PRMT1: variants seen among roughly 807,000 people sequenced by gnomAD.
PRMT1 encodes protein arginine methyltransferase 1.
In PRMT1, 5 loss-of-function variants were observed where a neutral mutation model predicts 47.4. The observed-to-expected ratio is 0.11, with a 90% CI of 0.06 to 0.22. The LOEUF (loss-of-function observed/expected upper bound fraction) is 0.22. Ranked by LOEUF, PRMT1 falls within the 10% of genes least tolerant of loss-of-function variation. The probability of loss-of-function intolerance (pLI) is 1.00; values close to 1 mark genes in which losing one functional copy is unlikely to be tolerated. For synonymous variants in PRMT1, 227 were observed against 204.6 expected, an observed-to-expected ratio of 1.11 and a Z score of -0.94; for missense variants, 249 against 518.4, an observed-to-expected ratio of 0.48 and a Z score of 5.05.
At position 49,684,180 on chromosome 19, in the gene PRMT1, C is replaced by CA. The variant is rs2082169060; in HGVS notation, c.555+113dup. On this transcript the variant is annotated intron_variant, in intron 6 of 10. Transcript: ENST00000454376. The surrounding 1 kb of genome is among the most constrained non-coding windows in gnomAD (Gnocchi z 6.2). ...GGGACTTACTGTGGGGGCTTAGCTG[C>CA]AAGGTGTTAGAAAGCCACAGCCCAA... 2.8e-6 allele frequency: 4 copies of CA among 1,452,514 alleles called. No individual in the cohort carries two copies. The highest frequency in any genetic ancestry group is 2.4e-4 in the Middle Eastern group (1 of 4,120). The allele number at this position is 1,452,514 out of a possible 1,614,324, so 90.0% of individuals were successfully genotyped here.
Position 49,680,929 on chromosome 19 carries a change from T to C in PRMT1, c.192+341T>C, listed in dbSNP as rs2082109561. Among the ~76,000 whole-genome samples the C allele has an allele frequency of 6.6e-6, 1 of 152,370 alleles. No individual in the cohort carries two copies. Among genetic ancestry groups the C allele is most frequent in the South Asian group, 2.1e-4 (1 of 4,834 alleles). Reference sequence around the variant, plus strand: ...CGGCTGCTCCCGCCCTAACAGCTTCTGCACACTTCAGATCTGACTGAAGAC... The same window carrying C: ...CGGCTGCTCCCGCCCTAACAGCTTCCGCACACTTCAGATCTGACTGAAGAC... On this transcript the variant is annotated intron_variant, in intron 3 of 10. Transcript: ENST00000454376. The surrounding 1 kb of genome is among the most constrained non-coding windows in gnomAD (Gnocchi z 4.2).
At position 49,681,607 on chromosome 19, in the gene PRMT1, G is replaced by C. The variant is rs540863918; in HGVS notation, c.193-303G>C. 4.6e-5 allele frequency among the ~76,000 whole-genome samples: 7 copies of C among 152,188 alleles called. No individual in the cohort carries two copies. In the South Asian group the frequency reaches 1.5e-3, roughly 32 times the overall value. On this transcript the variant is annotated intron_variant, in intron 3 of 10. Transcript: ENST00000454376. The surrounding 1 kb of genome is among the most constrained non-coding windows in gnomAD (Gnocchi z 4.4). Reference sequence around the variant, plus strand: ...ACAAAAATTAGCCGGGCATGGTGGTGTGCACCTATAATCTCAGCTACTTGG... The same window carrying C: ...ACAAAAATTAGCCGGGCATGGTGGTCTGCACCTATAATCTCAGCTACTTGG...
At chr19:49,682,296 G>A in intron 5 of PRMT1, 37 bp downstream of exon 5, 1 of 1,602,198 alleles carries the variant, frequency 6.2e-7, no homozygotes, top group Non-Finnish European at 8.5e-7. Context: ...TGGGAGTGGA[G>A]GGGGTGATGC....
intron 1 of PRMT1, 62 bp downstream of exon 1, chr19:49,677,378 G>A: frequency 7.5e-7 from 1 of 1,331,970 alleles, no homozygotes; most frequent in African/African-American, 1.5e-5. Flanking sequence ...TCACGCCTCT[G>A]TGGTGGGGAA....
chr19:49,678,440 G>C (rs1318405496), intron 1 of PRMT1, among the ~76,000 whole-genome samples: 1 of 152,092 alleles, frequency 6.6e-6, no homozygotes, highest in Non-Finnish European at 1.5e-5. Context: ...GTTGTCTGGC[G>C]GTAGTTTTCA....
At position 49,688,133 on chromosome 19, in the gene PRMT1, C is replaced by G. The variant is rs1203438387; in HGVS notation, c.1033-29C>G. The G allele has an allele frequency of 6.2e-7, 1 of 1,601,974 alleles. No individual in the cohort carries two copies. Among genetic ancestry groups the G allele is most frequent in the African/African-American group, 1.4e-5 (1 of 73,236 alleles). On this transcript the variant is annotated intron_variant, in intron 10 of 10. Coordinates refer to ENST00000454376, the MANE Select transcript of PRMT1 (RefSeq NM_001536.6). The surrounding 1 kb of genome is among the most constrained non-coding windows in gnomAD (Gnocchi z 5.3). ...CCCCGCCACCACCTCCTGGTGGGTTCCGCCCTCATGCCCCACCTCTCCCTG... is the reference window on the plus strand; with the variant it reads ...CCCCGCCACCACCTCCTGGTGGGTTGCGCCCTCATGCCCCACCTCTCCCTG...
In PRMT1 at chr19:49,685,433, C is replaced by A; in HGVS notation, c.759+396C>A. On this transcript the variant is annotated intron_variant, in intron 8 of 10. Coordinates refer to ENST00000454376, the MANE Select transcript of PRMT1 (RefSeq NM_001536.6). This position sits in a 1 kb window ranked among gnomAD's most constrained non-coding sequence, Gnocchi z 4.7. The stretch of plus-strand genomic sequence containing the variant: ...AGCTACTCGGGAGGATCACTTGGGC[C>A]TGGGAGTTCAAGGCTGCAGTGAGCT... 8.5e-7 allele frequency: 1 copy of A among 1,183,220 alleles called. No homozygotes were observed. Among genetic ancestry groups the A allele is most frequent in the Non-Finnish European group, 1.1e-6 (1 of 944,390 alleles). The allele number at this position is 1,183,220 out of a possible 1,614,324, so 73.3% of individuals were successfully genotyped here.
chr19:49,676,362 T>C (rs1403656063), upstream of PRMT1: 1 of 152,180 alleles, frequency 6.6e-6, no homozygotes, highest in Non-Finnish European at 1.5e-5. Flanking sequence ...TTTCTGCAAA[T>C]CAAGGAAAGC....
In PRMT1 at chr19:49,685,569, G is replaced by C. The variant is rs1174701442; in HGVS notation, c.760-524G>C. ...TTAAAAAAAAAAAATACGGCGATGA[G>C]TATTTGTTGAGCTGGGATGTGTGAG... On this transcript the variant is annotated intron_variant, in intron 8 of 10. Coordinates refer to ENST00000454376, the MANE Select transcript of PRMT1 (RefSeq NM_001536.6). The surrounding 1 kb of genome is among the most constrained non-coding windows in gnomAD (Gnocchi z 4.7). The C allele has an allele frequency of 9.8e-7, 1 of 1,024,778 alleles. No homozygotes were observed. Among genetic ancestry groups the C allele is most frequent in the Non-Finnish European group, 1.2e-6 (1 of 853,480 alleles). The allele number at this position is 1,024,778 out of a possible 1,614,324, so 63.5% of individuals were successfully genotyped here. A position where few individuals can be genotyped will look rare whatever the true frequency, so the allele number is the denominator to read the frequency against.
At position 49,679,904 on chromosome 19, in the gene PRMT1, C is replaced by T. The variant is rs751786410; in HGVS notation, c.69C>T (p.Ser23=). 6 of 1,612,756 alleles carry T rather than the reference C, an allele frequency of 3.7e-6. No individual in the cohort carries two copies. The Admixed American group carries it at 8.3e-5, about 22-fold the overall frequency. Residue 23 remains serine, a synonymous_variant, in exon 2 of 11, where the codon AGC becomes AGT. Coordinates refer to ENST00000454376, the MANE Select transcript of PRMT1 (RefSeq NM_001536.6). ...TAGCCACCTTGGCTAATGGGATGAG[C>T]CTCCAGCCGCCTCTTGAAGAAGTAA... ...NFVATLANGM[S]LQPPLEEVSC...
rs528281537 is a variant in PRMT1, at chr19:49,685,261, G to A, written c.759+224G>A. On this transcript the variant is annotated intron_variant, in intron 8 of 10. Coordinates refer to ENST00000454376, the MANE Select transcript of PRMT1 (RefSeq NM_001536.6). This position sits in a 1 kb window ranked among gnomAD's most constrained non-coding sequence, Gnocchi z 4.7. ...CCATGCTTGGCACTTGGCTTCTGGC[G>A]GAGGAAACACCCAAAGCTGGCAGCT... 171 of 1,464,318 alleles carry A rather than the reference G, an allele frequency of 1.2e-4. 1 individual carries two copies. Among genetic ancestry groups the A allele is most frequent in the East Asian group, 3.6e-4 (14 of 39,118 alleles). The allele number at this position is 1,464,318 out of a possible 1,614,324, so 90.7% of individuals were successfully genotyped here. A position where few individuals can be genotyped will look rare whatever the true frequency, so the allele number is the denominator to read the frequency against.
At chr19:49,677,177 G>A (rs2082046334), upstream of PRMT1, 4 of 1,156,338 alleles carry the variant, frequency 3.5e-6, no homozygotes, top group Non-Finnish European at 4.5e-6. Context: ...TTCCAGCGGG[G>A]TCGCGGTAGG....
chr19:49,677,263 G>C (rs761337632), upstream of PRMT1: 9 of 1,423,398 alleles, frequency 6.3e-6, no homozygotes, highest in Non-Finnish European at 7.4e-6. Flanking sequence ...GCCGGAGGAG[G>C]AGTAGGTGCG....
chr19:49,685,909 G>C lies in PRMT1; in HGVS notation c.760-184G>C, dbSNP rs2082197750. The C allele has an allele frequency of 2.1e-6, 3 of 1,421,552 alleles. No homozygotes were observed. The highest frequency in any genetic ancestry group is 2.7e-6 in the Non-Finnish European group (3 of 1,092,218). The allele number at this position is 1,421,552 out of a possible 1,614,324, so 88.1% of individuals were successfully genotyped here. ...AAGGAATCTGGGCTCGAACCCACAT[G>C]GTTTATTGGGAGCCGGATAGGCAGG... On this transcript the variant is annotated intron_variant, in intron 8 of 10. Coordinates refer to ENST00000454376, the MANE Select transcript of PRMT1 (RefSeq NM_001536.6). This position sits in a 1 kb window ranked among gnomAD's most constrained non-coding sequence, Gnocchi z 4.7.
Position 49,680,685 on chromosome 19 carries a change from C to A in PRMT1, c.192+97C>A. ...TTCCCACGCATGCGCACTGCTTCCC[C>A]TGGCCGCAGGCCGCCCCCCTGCCCC... On this transcript the variant is annotated intron_variant, in intron 3 of 10. Coordinates refer to ENST00000454376, the MANE Select transcript of PRMT1 (RefSeq NM_001536.6). The surrounding 1 kb of genome is among the most constrained non-coding windows in gnomAD (Gnocchi z 4.2). 3 of 1,011,998 alleles carry A rather than the reference C, an allele frequency of 3.0e-6. No homozygotes were observed. The highest frequency in any genetic ancestry group is 1.9e-5 in the Admixed American group (1 of 51,318). 62.7% of individuals were successfully genotyped at this position (1,011,998 alleles called of 1,614,324 possible).
chr19:49,681,830 C>G lies in PRMT1; in HGVS notation c.193-80C>G. The stretch of plus-strand genomic sequence containing the variant: ...AAAGCGAGAGGGCCGAGCTCTGGCC[C>G]TCCGAGCTCTCAGGACACGCTGTTC... On this transcript the variant is annotated intron_variant, in intron 3 of 10. Transcript: ENST00000454376. This position sits in a 1 kb window ranked among gnomAD's most constrained non-coding sequence, Gnocchi z 4.4. 6.9e-7 allele frequency: 1 copy of G among 1,459,030 alleles called. No homozygotes were observed. The highest frequency in any genetic ancestry group is 9.2e-7 in the Non-Finnish European group (1 of 1,081,358). 90.4% of individuals were successfully genotyped at this position (1,459,030 alleles called of 1,614,324 possible). A position where few individuals can be genotyped will look rare whatever the true frequency, so the allele number is the denominator to read the frequency against.
chr19:49,679,217 T>C (rs1348358359), intron 1 of PRMT1, among the ~76,000 whole-genome samples: 2 of 152,022 alleles, frequency 1.3e-5, no homozygotes, highest in Non-Finnish European at 2.9e-5. Context: ...TCTTAGAGGG[T>C]CCAGGAGCTG....
Position 49,685,959 on chromosome 19 carries a change from G to A in PRMT1, c.760-134G>A. On this transcript the variant is annotated intron_variant, in intron 8 of 10. Transcript: ENST00000454376. The surrounding 1 kb of genome is among the most constrained non-coding windows in gnomAD (Gnocchi z 4.7). Reference sequence around the variant, plus strand: ...GATGCAGAGTGAAGGAGGAGCCGAGGCTGGGTGCCAGTGAGGGAGGGCTAG... The same window carrying A: ...GATGCAGAGTGAAGGAGGAGCCGAGACTGGGTGCCAGTGAGGGAGGGCTAG... The A allele has an allele frequency of 6.8e-7, 1 of 1,476,518 alleles. No homozygotes were observed. The highest frequency in any genetic ancestry group is 8.9e-7 in the Non-Finnish European group (1 of 1,121,106). The allele number at this position is 1,476,518 out of a possible 1,614,324, so 91.5% of individuals were successfully genotyped here.
chr19:49,676,993 A>G (rs1305624720), upstream of PRMT1: 3 of 368,150 alleles, frequency 8.1e-6, no homozygotes, highest in East Asian at 7.9e-5. Context: ...ATTTTGCCCA[A>G]TCACCAGTCG....
Sources: gnomAD v4.1 joint callset for allele counts (sites outside exome capture counted in the v4.1 genomes callset) on GRCh38, gnomAD v4.1.1 for gene constraint, Gnocchi (gnomAD v3.1) non-coding constraint, MANE v1.5 for transcripts, NCBI Gene and HGNC (gene_info 2026-07-23, HGNC 2026-07-21) for gene names.